CPEB3: variants seen among roughly 807,000 people sequenced by gnomAD.
CPEB3 encodes cytoplasmic polyadenylation element binding protein 3.
A neutral mutation model predicts 67.2 loss-of-function variants in CPEB3; 20 were observed. That is an observed-to-expected ratio of 0.30 (90% CI 0.21 to 0.43). The LOEUF (loss-of-function observed/expected upper bound fraction) is 0.43. Ranked by LOEUF, CPEB3 falls within the 20% of genes least tolerant of loss-of-function variation. The probability of loss-of-function intolerance (pLI) is 1.00; values close to 1 mark genes in which losing one functional copy is unlikely to be tolerated. For missense variants in CPEB3, 746 were observed against 968.6 expected (o/e 0.77, Z 3.05); for synonymous variants, 376 against 393.1 (o/e 0.96, Z 0.51).
chr10:92,132,032 T>G (rs1845867456), intron 6 of CPEB3, among the ~76,000 whole-genome samples: 1 of 152,176 alleles, frequency 6.6e-6, no homozygotes, highest in Non-Finnish European at 1.5e-5. Flanking sequence ...TAAAGTTATT[T>G]TAACATGCAA....
intron 4 of CPEB3, among the ~76,000 whole-genome samples, chr10:92,175,823 C>T (rs1488648197): frequency 6.6e-6 from 1 of 151,214 alleles, no homozygotes; most frequent in African/African-American, 2.4e-5. Flanking sequence ...GGTGTGGTGG[C>T]TCACAGCTGT....
In CPEB3 at chr10:92,240,112, C is replaced by T. The variant is rs1329581126; in HGVS notation, c.239G>A (p.Gly80Asp). Reference protein sequence around the residue: ...KMQMESPLLPGLSFHQPPQQP... With the variant: ...KMQMESPLLPDLSFHQPPQQP... ...CTGAGGAGGCTGATGGAAACTCAAG[C>T]CTGGCAGGAGCGGTGATTCCATCTG... Residue 80 changes from glycine to aspartate, a missense_variant, in exon 2 of 10, where the codon GGC becomes GAC. Around this residue, in one of 2 missense-constraint regions of CPEB3, gnomAD observed 643 missense variants for 717.5 expected, o/e 0.90. Coordinates refer to ENST00000265997, the MANE Select transcript of CPEB3 (RefSeq NM_014912.5). 1.9e-6 allele frequency: 3 copies of T among 1,577,154 alleles called. No individual in the cohort carries two copies. The highest frequency in any genetic ancestry group is 2.6e-6 in the Non-Finnish European group (3 of 1,161,094).
chr10:92,244,811 C>T (rs747592688), intron 1 of CPEB3, among the ~76,000 whole-genome samples: 1 of 152,058 alleles, frequency 6.6e-6, no homozygotes, highest in Non-Finnish European at 1.5e-5. Context: ...TGGAATCTCA[C>T]AACATATTAA....
At position 92,184,357 on chromosome 10, in the gene CPEB3, C is replaced by A. The variant is rs543017029; in HGVS notation, c.1166-3338G>T. Among the ~76,000 whole-genome samples, 274 of 152,310 alleles carry A rather than the reference C, an allele frequency of 1.8e-3. 1 individual carries two copies. Among genetic ancestry groups the A allele is most frequent in the African/African-American group, 6.4e-3 (266 of 41,576 alleles). On this transcript the variant is annotated intron_variant, in intron 3 of 9. Coordinates refer to ENST00000265997, the MANE Select transcript of CPEB3 (RefSeq NM_014912.5). ...CCGTGGCTCACGCCTGTAATCCCAA[C>A]ACTTTGGGAGGCCGAGGCAGTCGGA...
intron 2 of CPEB3, among the ~76,000 whole-genome samples, chr10:92,203,656 G>A (rs1052540590): frequency 6.6e-6 from 1 of 151,616 alleles, no homozygotes; most frequent in African/African-American, 2.4e-5. Flanking sequence ...GAACTCAGGT[G>A]ATTCACCCAA....
intron 9 of CPEB3, among the ~76,000 whole-genome samples, chr10:92,061,791 CAAT>C (rs1842365741): frequency 6.6e-6 from 1 of 151,998 alleles, no homozygotes; most frequent in African/African-American, 2.4e-5. Context: ...TGACTATAGT[CAAT>C]AATAACTTAA....
intron 9 of CPEB3, among the ~76,000 whole-genome samples, chr10:92,080,454 A>G (rs1252704439): frequency 6.6e-6 from 1 of 152,168 alleles, no homozygotes; most frequent in Non-Finnish European, 1.5e-5. Context: ...GAGGGCAGGC[A>G]GGTAACACCA....
At position 92,239,555 on chromosome 10, in the gene CPEB3, G is replaced by T. The variant is rs753701320; in HGVS notation, c.796C>A (p.Arg266=). Residue 266 remains arginine, a synonymous_variant, in exon 2 of 10, where the codon CGG becomes AGG. Transcript: ENST00000265997. This position sits in a 1 kb window ranked among gnomAD's most constrained non-coding sequence, Gnocchi z 6.0. ...ACACCGACCGCCCGGCGAGGGTCCC[G>T]GCCCGCCTGCAGGCCGCCCCAGGGG... ...SNPWGGLQAG[R]DPRRAVGVGV... is the part of the protein sequence containing the mutation. The T allele has an allele frequency of 1.9e-5, 29 of 1,555,882 alleles. No homozygotes were observed. The highest frequency in any genetic ancestry group is 1.8e-4 in the Middle Eastern group (1 of 5,554).
chr10:92,243,565 C>A (rs1038913292), intron 1 of CPEB3, among the ~76,000 whole-genome samples: 3 of 152,076 alleles, frequency 2.0e-5, no homozygotes, highest in Non-Finnish European at 4.4e-5. Flanking sequence ...CCAAGCAGAG[C>A]TACCTTAAAT....
At chr10:92,060,647 G>C (rs1842306659) in intron 9 of CPEB3, among the ~76,000 whole-genome samples, 2 of 152,086 alleles carry the variant, frequency 1.3e-5, no homozygotes, top group South Asian at 4.2e-4. Flanking sequence ...AATATGTAAG[G>C]AGCTCAAACA....
At chr10:92,152,225 A>T (rs1846998951) in intron 4 of CPEB3, among the ~76,000 whole-genome samples, 1 of 152,106 alleles carries the variant, frequency 6.6e-6, no homozygotes, top group South Asian at 2.1e-4. Context: ...AAGAAACACG[A>T]CTTTTTTGAA....
Position 92,104,434 on chromosome 10 carries a change from G to C in CPEB3, c.1572+6642C>G, listed in dbSNP as rs938194743. 6.7e-5 allele frequency among the ~76,000 whole-genome samples: 10 copies of C among 149,060 alleles called. No individual in the cohort carries two copies. The South Asian group carries it at 2.1e-3, about 32-fold the overall frequency. On this transcript the variant is annotated intron_variant, in intron 7 of 9. Coordinates refer to ENST00000265997, the MANE Select transcript of CPEB3 (RefSeq NM_014912.5). ...GTCTTATTCTGTCACCCAGGCTGGA[G>C]TGCAGTGGCTGGCACGATCTCGGCT...
chr10:92,260,882 T>C (rs141920080), intron 1 of CPEB3, among the ~76,000 whole-genome samples: 1 of 152,312 alleles, frequency 6.6e-6, no homozygotes, highest in East Asian at 1.9e-4. Flanking sequence ...GTGCTGGGAT[T>C]ACAGGCGTGA....
At chr10:92,117,526 T>G (rs1452885594) in intron 6 of CPEB3, among the ~76,000 whole-genome samples, 1 of 150,782 alleles carries the variant, frequency 6.6e-6, no homozygotes, top group Non-Finnish European at 1.5e-5. Flanking sequence ...GAGACGGGGT[T>G]TCACGGTGTT....
chr10:92,275,574 C>A (rs58689304), intron 1 of CPEB3, among the ~76,000 whole-genome samples: 2,446 of 152,192 alleles, frequency 0.016, 64 homozygotes, highest in African/African-American at 0.056. Context: ...GTGTACAATT[C>A]AGTGGCTTTT....
intron 9 of CPEB3, among the ~76,000 whole-genome samples, chr10:92,077,377 T>G (rs833364): frequency 0.69 from 104,826 of 151,978 alleles, 36,299 homozygotes; most frequent in East Asian, 0.77. Flanking sequence ...GTAACAGTTC[T>G]GGGGAAGGGA....
chr10:92,235,860 C>A (rs576765019), intron 2 of CPEB3, among the ~76,000 whole-genome samples: 1 of 152,274 alleles, frequency 6.6e-6, no homozygotes, highest in African/African-American at 2.4e-5. Flanking sequence ...TCTCAAAAGT[C>A]CCTCCTAAAC....
At chr10:92,072,912 C>G (rs147286369) in intron 9 of CPEB3, among the ~76,000 whole-genome samples, 6 of 152,242 alleles carry the variant, frequency 3.9e-5, no homozygotes, top group African/African-American at 7.2e-5. Context: ...ATTGTCAACA[C>G]AGGGACAAAT....
intron 9 of CPEB3, among the ~76,000 whole-genome samples, chr10:92,057,886 G>A (rs1354731916): frequency 1.3e-5 from 2 of 152,228 alleles, no homozygotes; most frequent in Admixed American, 6.5e-5. Context: ...CAGCATTACT[G>A]GGCATGGGTG....
Sources: gnomAD v4.1 joint callset for allele counts (sites outside exome capture counted in the v4.1 genomes callset) on GRCh38, gnomAD v4.1.1 for gene constraint, gnomAD v4.1.1 regional missense constraint, Gnocchi (gnomAD v3.1) non-coding constraint, MANE v1.5 for transcripts, NCBI Gene and HGNC (gene_info 2026-07-23, HGNC 2026-07-21) for gene names.